RETREG1: variants seen among roughly 807,000 people sequenced by gnomAD.
RETREG1 encodes family with sequence similarity 134 member B.
RETREG1 carries 44 observed loss-of-function variants against 54.8 expected under a neutral mutation model. The observed-to-expected ratio is 0.80, with a 90% CI of 0.63 to 1.03. The LOEUF is 1.03. Among genes scored for constraint, RETREG1 ranks in the 50% least tolerant of loss-of-function variants. The pLI, the probability that RETREG1 is intolerant of heterozygous loss-of-function variation, is 0.00. For missense variants in RETREG1, 554 were observed against 605.1 expected, an observed-to-expected ratio of 0.92 and a Z score of 0.89; for synonymous variants, 217 against 238.5, an observed-to-expected ratio of 0.91 and a Z score of 0.83.
At chr5:16,496,580 G>T (rs965873989) in intron 3 of RETREG1, among the ~76,000 whole-genome samples, 1 of 152,166 alleles carries the variant, frequency 6.6e-6, no homozygotes, top group Non-Finnish European at 1.5e-5. Flanking sequence ...TAGTTCAATT[G>T]CTGGTGGCCA....
chr5:16,483,322 A>G (rs771943128), intron 4 of RETREG1, 24 bp downstream of exon 4: 13 of 1,612,482 alleles, frequency 8.1e-6, no homozygotes, highest in South Asian at 1.1e-5. Context: ...ATTTTAAAAC[A>G]TACTCCTTTA....
At chr5:16,584,309 A>G (rs1742570218) in intron 1 of RETREG1, among the ~76,000 whole-genome samples, 1 of 152,232 alleles carries the variant, frequency 6.6e-6, no homozygotes, top group Admixed American at 6.5e-5. Context: ...AAGATTTTAC[A>G]CAGAAAATCA....
chr5:16,479,858 T>C (rs1212297150), intron 5 of RETREG1, among the ~76,000 whole-genome samples: 1 of 152,038 alleles, frequency 6.6e-6, no homozygotes, highest in Non-Finnish European at 1.5e-5. Flanking sequence ...TAAGAAAAAT[T>C]GGAAAATATG....
intron 3 of RETREG1, among the ~76,000 whole-genome samples, chr5:16,555,033 C>T (rs996131910): frequency 2.6e-5 from 4 of 151,906 alleles, no homozygotes; most frequent in African/African-American, 9.7e-5. Context: ...ACTCCCTACT[C>T]CCTCTTCTGC....
intron 1 of RETREG1, among the ~76,000 whole-genome samples, chr5:16,607,306 A>G (rs373958225): frequency 6.6e-6 from 1 of 152,094 alleles, no homozygotes; most frequent in East Asian, 1.9e-4. Flanking sequence ...CCGCACCAAG[A>G]ACAGTGTCAG....
chr5:16,540,665 G>C (rs1741213582), intron 3 of RETREG1, among the ~76,000 whole-genome samples: 1 of 152,190 alleles, frequency 6.6e-6, no homozygotes, highest in African/African-American at 2.4e-5. Flanking sequence ...CCTAACACGG[G>C]TGCTGGGCAC....
chr5:16,545,634 G>T (rs1471676860), intron 3 of RETREG1, among the ~76,000 whole-genome samples: 1 of 152,086 alleles, frequency 6.6e-6, no homozygotes, highest in Non-Finnish European at 1.5e-5. Flanking sequence ...CCCCTCACTT[G>T]ACTCCAAGCT....
At chr5:16,607,309 A>G (rs1743216714) in intron 1 of RETREG1, among the ~76,000 whole-genome samples, 1 of 152,102 alleles carries the variant, frequency 6.6e-6, no homozygotes, top group Admixed American at 6.5e-5. Flanking sequence ...CACCAAGAAC[A>G]GTGTCAGCAT....
intron 2 of RETREG1, among the ~76,000 whole-genome samples, chr5:16,569,185 G>T (rs1299551804): frequency 1.3e-5 from 2 of 152,014 alleles, no homozygotes; most frequent in African/African-American, 4.8e-5. Context: ...ATGGGCCTTT[G>T]TCCTAAGAGA....
intron 3 of RETREG1, among the ~76,000 whole-genome samples, chr5:16,506,727 CCT>C (rs1047754830): frequency 5.9e-5 from 9 of 152,234 alleles, no homozygotes; most frequent in African/African-American, 2.2e-4. Flanking sequence ...AAACTTTCTC[CCT>C]GTCTGGGATG....
rs1330259080 is a variant in RETREG1, at chr5:16,561,781, C to T, written c.458+3982G>A. ...AGAGACAGCACAGCAGAAATTCTCA[C>T]ATGCAAATTTTAGATGCATTCAGAA... is the stretch of plus-strand genomic sequence containing the variant. On this transcript the variant is annotated intron_variant, in intron 3 of 8. Coordinates refer to ENST00000306320, the MANE Select transcript of RETREG1 (RefSeq NM_001034850.3). This position sits in a 1 kb window ranked among gnomAD's most constrained non-coding sequence, Gnocchi z 4.2. 6.6e-6 allele frequency among the ~76,000 whole-genome samples: 1 copy of T among 152,194 alleles called. No homozygotes were observed. The highest frequency in any genetic ancestry group is 6.5e-5 in the Admixed American group (1 of 15,280).
chr5:16,525,071 C>CG (rs1174295999), intron 3 of RETREG1, among the ~76,000 whole-genome samples: 4 of 140,858 alleles, frequency 2.8e-5, no homozygotes, highest in African/African-American at 1.2e-4. Context: ...TGGATGTGCG[C>CG]GGGGGACACT....
In RETREG1 at chr5:16,594,755, C is replaced by T. The variant is rs1473521442; in HGVS notation, c.320+21897G>A. Among the ~76,000 whole-genome samples the T allele has an allele frequency of 2.0e-5, 3 of 152,092 alleles. No individual in the cohort carries two copies. Among genetic ancestry groups the T allele is most frequent in the Non-Finnish European group, 4.4e-5 (3 of 67,992 alleles). The stretch of plus-strand genomic sequence containing the variant: ...AAAAACAAAACACAACCACACAAAG[C>T]ATTTTTCATAGACTACCATCACAAA... On this transcript the variant is annotated intron_variant, in intron 1 of 8. Coordinates refer to ENST00000306320, the MANE Select transcript of RETREG1 (RefSeq NM_001034850.3). This position sits in a 1 kb window ranked among gnomAD's most constrained non-coding sequence, Gnocchi z 4.4.
intron 1 of RETREG1, among the ~76,000 whole-genome samples, chr5:16,575,228 C>T (rs1190634368): frequency 6.6e-5 from 10 of 152,146 alleles, no homozygotes; most frequent in African/African-American, 1.9e-4. Flanking sequence ...TTCTATTACG[C>T]GTTTAAATGC....
In RETREG1 at chr5:16,614,281, AG is replaced by A. The variant is rs367801796; in HGVS notation, c.320+2370del. On this transcript the variant is annotated intron_variant, in intron 1 of 8. Transcript: ENST00000306320. ...GTTTGCAACTCATGTTACAGAAATT[AG>A]GCTAAAGTCTTTAATATAAAAACAG... is the stretch of plus-strand genomic sequence containing the variant. Among the ~76,000 whole-genome samples the A allele has an allele frequency of 1.6e-4, 25 of 152,382 alleles. No homozygotes were observed. In the South Asian group the frequency reaches 5.2e-3, roughly 32 times the overall value.
At chr5:16,587,578 A>G (rs1309870337) in intron 1 of RETREG1, among the ~76,000 whole-genome samples, 2 of 152,214 alleles carry the variant, frequency 1.3e-5, no homozygotes, top group Admixed American at 6.5e-5. Context: ...AGTTGTGGTC[A>G]CCCACTCATC....
intron 1 of RETREG1, among the ~76,000 whole-genome samples, chr5:16,589,219 A>G (rs1742694084): frequency 6.6e-6 from 1 of 152,210 alleles, no homozygotes; most frequent in Non-Finnish European, 1.5e-5. Flanking sequence ...GGATACATTC[A>G]AGGGGCAAAA....
intron 1 of RETREG1, among the ~76,000 whole-genome samples, chr5:16,579,945 T>C (rs558034020): frequency 7.6e-4 from 116 of 152,244 alleles, no homozygotes; most frequent in Non-Finnish European, 1.5e-3. Context: ...GGACATAAGT[T>C]TTCAACTCAT....
chr5:16,529,351 T>C (rs1344725766), intron 3 of RETREG1, among the ~76,000 whole-genome samples: 3 of 152,310 alleles, frequency 2.0e-5, no homozygotes, highest in Non-Finnish European at 4.4e-5. Context: ...GGCGAGTGTC[T>C]GTGTGAGGAA....
Sources: gnomAD v4.1 joint callset for allele counts (sites outside exome capture counted in the v4.1 genomes callset) on GRCh38, gnomAD v4.1.1 for gene constraint, Gnocchi (gnomAD v3.1) non-coding constraint, MANE v1.5 for transcripts, NCBI Gene and HGNC (gene_info 2026-07-23, HGNC 2026-07-21) for gene names.